Variants in ALMS1 observed in about 807,000 individuals in gnomAD.
ALMS1 encodes ALMS1 centrosome and basal body associated protein.
A neutral mutation model predicts 352.2 loss-of-function variants in ALMS1; 271 were observed. The observed-to-expected ratio is 0.77, with a 90% CI of 0.70 to 0.85. ALMS1 has a LOEUF of 0.85. ALMS1 is among the 40% of genes least tolerant of loss of function. ALMS1 has a pLI of 0.00. For missense variants in ALMS1, 5,445 were observed against 4,870.7 expected, an observed-to-expected ratio of 1.12 and a Z score of -3.51; for synonymous variants, 1,865 against 1,761.2, an observed-to-expected ratio of 1.06 and a Z score of -1.48.
At chr2:73,526,434 T>C (rs530771558) in intron 11 of ALMS1, among the ~76,000 whole-genome samples, 2 of 152,294 alleles carry the variant, frequency 1.3e-5, no homozygotes, top group South Asian at 4.1e-4. Context: ...ATGGAATATT[T>C]TTCCATTTTT....
Position 73,490,642 on chromosome 2 carries a change from C to A in ALMS1, c.8683C>A (p.Arg2895Ser), listed in dbSNP as rs765969711. 2 of 1,614,004 alleles carry A rather than the reference C, an allele frequency of 1.2e-6. No individual in the cohort carries two copies. Among genetic ancestry groups the A allele is most frequent in the Admixed American group, 3.3e-5 (2 of 59,996 alleles). The change falls in exon 10 of 23, where the codon CGT (arginine) becomes AGT (serine). Residue 2895 changes from arginine (R) to serine (S), a missense_variant. Transcript: ENST00000613296. ...GCTCTTTGAACAAAGCAAAGCCCCA[C>A]GTGCAGATGACCATGTGAGGAAACA... is the stretch of plus-strand genomic sequence containing the variant. ...RELFEQSKAPRADDHVRKHHS... is the reference protein window; with the variant it reads ...RELFEQSKAPSADDHVRKHHS...
chr2:73,485,723 G>C (rs549313684), intron 9 of ALMS1, among the ~76,000 whole-genome samples: 4 of 152,106 alleles, frequency 2.6e-5, no homozygotes, highest in African/African-American at 9.7e-5. Context: ...AGCAATCAGC[G>C]AGACTCCGTG....
At chr2:73,481,987 T>C (rs1282870581) in intron 9 of ALMS1, among the ~76,000 whole-genome samples, 4 of 152,096 alleles carry the variant, frequency 2.6e-5, no homozygotes, top group African/African-American at 4.8e-5. Flanking sequence ...GCTGAGACAG[T>C]GGGGTTTTCT....
chr2:73,408,486 G>T, intron 1 of ALMS1, 136 bp from the exon 2 acceptor site: 1 of 1,002,992 alleles, frequency 1.0e-6, no homozygotes, highest in Admixed American at 2.1e-5. Context: ...CTTGTATAAT[G>T]GTTGTGAAAT....
Position 73,608,485 on chromosome 2 carries a change from C to T in ALMS1, c.12373C>T (p.Gln4125Ter), listed in dbSNP as rs1174712970. 2 of 1,613,438 alleles carry T rather than the reference C, an allele frequency of 1.2e-6. No individual in the cohort carries two copies. The highest frequency in any genetic ancestry group is 2.2e-5 in the East Asian group (1 of 44,866). The change falls in exon 22 of 23, where the codon CAG becomes TAG. Residue 4125 changes from glutamine (Q) to a stop codon, truncating the protein, a stop_gained. Transcript: ENST00000613296. LOFTEE classifies it high-confidence loss of function. ...GGTGCCATTTCTAAGGATTTATGAG[C>T]AGCTTCCAGAAGTACAGAAAAAGAG... ...MIQRSKRIYE[Q>*]LPEVQKKREE...
At chr2:73,556,765 C>G (rs1207332457) in intron 13 of ALMS1, among the ~76,000 whole-genome samples, 1 of 151,770 alleles carries the variant, frequency 6.6e-6, no homozygotes, top group Non-Finnish European at 1.5e-5. Flanking sequence ...TGCAGTGGCA[C>G]AGTCTCAGCT....
chr2:73,386,214 T>C, intron 1 of ALMS1, 22 bp downstream of exon 1: 1 of 1,497,272 alleles, frequency 6.7e-7, no homozygotes, highest in Non-Finnish European at 8.9e-7. Flanking sequence ...CGGGGAGGGG[T>C]GTGGAGCCGC....
chr2:73,580,715 T>C (rs1358689836), intron 16 of ALMS1, among the ~76,000 whole-genome samples: 1 of 152,224 alleles, frequency 6.6e-6, no homozygotes, highest in African/African-American at 2.4e-5. Flanking sequence ...TCCCCTTCTC[T>C]AGGGTTTGTA....
rs759734635 is a variant in ALMS1 at position 73,414,528 on chromosome 2, A to G, written c.451-4595A>G. ...TTATTACACTGGCTAGGATCTGCCT[A>G]TTCTTCTACTTGATCTACTTTGTGT... On this transcript the variant is annotated intron_variant, in intron 2 of 22. Coordinates refer to ENST00000613296, the MANE Select transcript of ALMS1 (RefSeq NM_001378454.1). Among the ~76,000 whole-genome samples the G allele has an allele frequency of 8.0e-5, 8 of 99,754 alleles. No homozygotes were observed. In the East Asian group the frequency reaches 9.1e-4, roughly 11 times the overall value. The allele number at this position is 99,754 out of a possible 152,430, so 65.4% of individuals were successfully genotyped here. A position where few individuals can be genotyped will look rare whatever the true frequency, so the allele number is the denominator to read the frequency against.
intron 8 of ALMS1, among the ~76,000 whole-genome samples, chr2:73,454,652 T>G (rs932456384): frequency 6.6e-6 from 1 of 152,166 alleles, no homozygotes; most frequent in Non-Finnish European, 1.5e-5. Flanking sequence ...CTAATAGAAT[T>G]CCATTAAAAA....
At chr2:73,400,790 C>G (rs959132420) in intron 1 of ALMS1, among the ~76,000 whole-genome samples, 1 of 151,828 alleles carries the variant, frequency 6.6e-6, no homozygotes, top group African/African-American at 2.4e-5. Flanking sequence ...TCCTCTCTTT[C>G]TTTTTTCTTT....
At position 73,426,696 on chromosome 2, in the gene ALMS1, C is replaced by G. The variant is rs1572915896; in HGVS notation, c.1338+143C>G. The G allele has an allele frequency of 4.8e-6, 4 of 826,744 alleles. No homozygotes were observed. The East Asian group carries it at 1.1e-4, about 22-fold the overall frequency. 51.2% of individuals were successfully genotyped at this position (826,744 alleles called of 1,614,324 possible). ...TCATTTGACTGGTGAGTACATTGAG[C>G]TAGCAGCTTTAGAGAAATTTCATGG... On this transcript the variant is annotated intron_variant, in intron 6 of 22. Transcript: ENST00000613296.
chr2:73,516,227 A>G (rs1673552241), intron 10 of ALMS1, among the ~76,000 whole-genome samples: 1 of 152,240 alleles, frequency 6.6e-6, no homozygotes, highest in Non-Finnish European at 1.5e-5. Context: ...AAGAAGTGCA[A>G]ATGAAAACCA....
chr2:73,388,083 GT>G (rs772809406), intron 1 of ALMS1, among the ~76,000 whole-genome samples: 53 of 152,206 alleles, frequency 3.5e-4, no homozygotes, highest in Non-Finnish European at 6.2e-4. Context: ...TATGAGTTTG[GT>G]TTTGAAGATT....
intron 9 of ALMS1, among the ~76,000 whole-genome samples, chr2:73,477,072 C>T (rs2103855820): frequency 6.6e-6 from 1 of 152,190 alleles, no homozygotes; most frequent in African/African-American, 2.4e-5. Context: ...GTTACCTTTT[C>T]ACTCTGTTGA....
intron 1 of ALMS1, among the ~76,000 whole-genome samples, chr2:73,402,547 A>G (rs1670894820): frequency 6.6e-6 from 1 of 151,868 alleles, no homozygotes; most frequent in African/African-American, 2.4e-5. Flanking sequence ...GGCACGAGCC[A>G]CCGCGCCCAG....
intron 16 of ALMS1, among the ~76,000 whole-genome samples, chr2:73,597,376 C>T (rs1480528085): frequency 6.6e-6 from 1 of 152,044 alleles, no homozygotes; most frequent in Non-Finnish European, 1.5e-5. Flanking sequence ...TAAATAAAAC[C>T]AGTTTTACCT....
Position 73,385,972 on chromosome 2 carries a change from C to G in ALMS1, c.104C>G (p.Ala35Gly), listed in dbSNP as rs1459781528. 1.3e-6 allele frequency: 2 copies of G among 1,530,046 alleles called. No individual in the cohort carries two copies. The highest frequency in any genetic ancestry group is 3.9e-5 in the Admixed American group (2 of 50,772). 94.8% of individuals were successfully genotyped at this position (1,530,046 alleles called of 1,614,324 possible). ...GAGGAGGCTGCAGCGGCGGCGGCGG[C>G]GAACGTGGACGACGTAGTGGTCGTG... ...EEEEAAAAAA[A>G]NVDDVVVVEE... Residue 35 changes from alanine (A) to glycine (G), a missense_variant, in exon 1 of 23, where the codon GCG (alanine) becomes GGG (glycine). Coordinates refer to ENST00000613296, the MANE Select transcript of ALMS1 (RefSeq NM_001378454.1).
rs773480197 is a variant in ALMS1 at position 73,491,032 on chromosome 2, C to A, written c.9073C>A (p.Pro3025Thr). ...CAATACTGTGGTCTCCCAGTCAGCC[C>A]CAAATCACTGTACATTAGCAGCATC... is the stretch of plus-strand genomic sequence containing the variant. Reference protein sequence around the residue: ...KFNTVVSQSAPNHCTLAASAS... With the variant: ...KFNTVVSQSATNHCTLAASAS... Residue 3025 changes from proline (P) to threonine (T), a missense_variant, in exon 10 of 23, where the codon CCA becomes ACA. Transcript: ENST00000613296. 6 of 1,614,166 alleles carry A rather than the reference C, an allele frequency of 3.7e-6. No individual in the cohort carries two copies. In the South Asian group the frequency reaches 6.6e-5, roughly 18 times the overall value.
Sources: gnomAD v4.1 joint callset for allele counts (sites outside exome capture counted in the v4.1 genomes callset) on GRCh38, gnomAD v4.1.1 for gene constraint, MANE v1.5 for transcripts, NCBI Gene and HGNC (gene_info 2026-07-23, HGNC 2026-07-21) for gene names.